NUP153: variants seen among roughly 807,000 people sequenced by gnomAD.
NUP153 encodes the protein nucleoporin 153.
A neutral mutation model predicts 134.6 loss-of-function variants in NUP153; 27 were observed. The ratio of observed to expected loss-of-function variants is 0.20; its 90% CI spans 0.15 to 0.28. The LOEUF is 0.28. NUP153 is among the 10% of genes least tolerant of loss of function. NUP153 has a pLI of 1.00. For missense variants in NUP153, 1,821 were observed against 1,731.3 expected (o/e 1.05, Z -0.92); for synonymous variants, 640 against 623.5 (o/e 1.03, Z -0.40).
chr6:17,643,807 G>A (rs1765986316), intron 14 of NUP153, among the ~76,000 whole-genome samples: 1 of 152,144 alleles, frequency 6.6e-6, no homozygotes, highest in Non-Finnish European at 1.5e-5. Flanking sequence ...GTAACTTCCT[G>A]AGATATAATG....
intron 11 of NUP153, among the ~76,000 whole-genome samples, chr6:17,649,702 AAG>A (rs1346937800): frequency 1.1e-4 from 17 of 152,244 alleles, no homozygotes; most frequent in Non-Finnish European, 1.6e-4. Flanking sequence ...TTGAGAGAGA[AAG>A]AGACTACATT....
At chr6:17,679,686 T>TC (rs1396521479) in intron 2 of NUP153, among the ~76,000 whole-genome samples, 1 of 152,198 alleles carries the variant, frequency 6.6e-6, no homozygotes, top group Non-Finnish European at 1.5e-5. Flanking sequence ...AGGTAGTTTC[T>TC]CCTTCACATA....
intron 1 of NUP153, among the ~76,000 whole-genome samples, chr6:17,695,358 T>C (rs925936704): frequency 1.3e-5 from 2 of 152,190 alleles, no homozygotes; most frequent in Non-Finnish European, 2.9e-5. Context: ...CAAATTAATG[T>C]TTGAGAACCA....
At chr6:17,651,481 G>A (rs143274864) in intron 11 of NUP153, among the ~76,000 whole-genome samples, 220 of 152,064 alleles carry the variant, frequency 1.4e-3, no homozygotes, top group Non-Finnish European at 2.7e-3. Context: ...AATGGATTTG[G>A]TGTTCCAATT....
At position 17,668,969 on chromosome 6, in the gene NUP153, T is replaced by A. The variant is rs1269113255; in HGVS notation, c.1068+6A>T. Reference sequence around the variant, plus strand: ...TTTAAATAACTAAATGCTAAAGAAGTTTTACCTTTTCTCTTTTGGCCTGAA... The same window carrying A: ...TTTAAATAACTAAATGCTAAAGAAGATTTACCTTTTCTCTTTTGGCCTGAA... On this transcript the variant is annotated splice_donor_region_variant and intron_variant, in intron 8 of 21. Transcript: ENST00000262077. 2 of 1,553,074 alleles carry A rather than the reference T, an allele frequency of 1.3e-6. No individual in the cohort carries two copies. The highest frequency in any genetic ancestry group is 1.7e-6 in the Non-Finnish European group (2 of 1,151,106).
intron 20 of NUP153, among the ~76,000 whole-genome samples, chr6:17,622,492 A>T (rs1463145743): frequency 6.6e-6 from 1 of 152,134 alleles, no homozygotes; most frequent in East Asian, 1.9e-4. Flanking sequence ...ATTTTCTAAC[A>T]TCTTTACTAT....
intron 8 of NUP153, among the ~76,000 whole-genome samples, chr6:17,668,171 G>GT (rs1040920271): frequency 1.1e-4 from 17 of 148,222 alleles, no homozygotes; most frequent in African/African-American, 4.2e-4. Flanking sequence ...CGCCTCCCGG[G>GT]TTCAAGTGAT....
chr6:17,675,745 T>C lies in NUP153; in HGVS notation c.360A>G (p.Ser120=). The C allele has an allele frequency of 6.2e-7, 1 of 1,613,808 alleles. No individual in the cohort carries two copies. Among genetic ancestry groups the C allele is most frequent in the Non-Finnish European group, 8.5e-7 (1 of 1,179,690 alleles). ...TEEPSTTSTA[S]NYPDVLTRPS... Reference sequence around the variant, plus strand: ...GCCTTGTTAACACATCTGGATAATTTGAAGCAGTACTAGTTGTTGAAGGTT... The same window carrying C: ...GCCTTGTTAACACATCTGGATAATTCGAAGCAGTACTAGTTGTTGAAGGTT... The change falls in exon 3 of 22, where the codon TCA becomes TCG. Residue 120 remains serine (S), a synonymous_variant. Transcript: ENST00000262077. The surrounding 1 kb of genome is among the most constrained non-coding windows in gnomAD (Gnocchi z 4.4).
intron 10 of NUP153, 87 bp downstream of exon 10, chr6:17,661,931 T>C (rs957807481): frequency 7.8e-7 from 1 of 1,278,674 alleles, no homozygotes; most frequent in African/African-American, 1.5e-5. Context: ...TTCTTTGATT[T>C]TAATCTTCAA....
At chr6:17,618,194 C>T (rs925101681) in intron 20 of NUP153, among the ~76,000 whole-genome samples, 1 of 152,182 alleles carries the variant, frequency 6.6e-6, no homozygotes, top group East Asian at 1.9e-4. Flanking sequence ...TAAAATAATG[C>T]TAGATAAACC....
intron 11 of NUP153, among the ~76,000 whole-genome samples, chr6:17,649,564 T>C (rs1431659479): frequency 1.8e-4 from 2 of 11,282 alleles, no homozygotes; most frequent in African/African-American, 2.4e-4. Context: ...TCTTACGATA[T>C]ACTACAGTTG....
chr6:17,634,083 T>C (rs1454852207), intron 16 of NUP153, among the ~76,000 whole-genome samples: 2 of 152,124 alleles, frequency 1.3e-5, no homozygotes, highest in African/African-American at 4.8e-5. Context: ...TTCTGACTCT[T>C]CTACTGCTAT....
rs763482788 is a variant in NUP153 at position 17,706,420 on chromosome 6, G to T, written c.-33C>A. On this transcript the variant is annotated 5_prime_UTR_variant, in exon 1 of 22. Coordinates refer to ENST00000262077, the MANE Select transcript of NUP153 (RefSeq NM_005124.4). The surrounding 1 kb of genome is among the most constrained non-coding windows in gnomAD (Gnocchi z 5.9). ...CCTCCGCCGCTTCCCGCTCCGGGGC[G>T]GGTAAGGGGGCGGGAGAGGCAGAGG... The T allele has an allele frequency of 6.4e-7, 1 of 1,560,576 alleles. No individual in the cohort carries two copies. The highest frequency in any genetic ancestry group is 1.1e-5 in the South Asian group (1 of 89,920).
chr6:17,698,122 G>A (rs1432724822), intron 1 of NUP153, among the ~76,000 whole-genome samples: 1 of 152,100 alleles, frequency 6.6e-6, no homozygotes, highest in Non-Finnish European at 1.5e-5. Flanking sequence ...CAGTTTTAAG[G>A]TTCTGGAATC....
rs1389976355 is a variant in NUP153, at chr6:17,685,786, T to C, written c.334+2610A>G. Among the ~76,000 whole-genome samples the C allele has an allele frequency of 3.3e-5, 5 of 152,076 alleles. No individual in the cohort carries two copies. In the East Asian group the frequency reaches 5.8e-4, roughly 18 times the overall value. On this transcript the variant is annotated intron_variant, in intron 2 of 21. Coordinates refer to ENST00000262077, the MANE Select transcript of NUP153 (RefSeq NM_005124.4). ...ATACTTGGTAATGATAATAAATGAC[T>C]ATGTAACTGTTTTATGTACTTACTA... is the stretch of plus-strand genomic sequence containing the variant.
chr6:17,623,357 CAAA>C (rs11326447), intron 20 of NUP153, among the ~76,000 whole-genome samples: 25 of 81,940 alleles, frequency 3.1e-4, no homozygotes, highest in African/African-American at 5.2e-4. Context: ...GAAAAATGGC[CAAA>C]AAAAAAAAAA....
intron 11 of NUP153, among the ~76,000 whole-genome samples, chr6:17,655,274 T>C (rs570529087): frequency 4.6e-5 from 7 of 152,300 alleles, no homozygotes; most frequent in Non-Finnish European, 8.8e-5. Context: ...ATTTTACATA[T>C]AGAGTTCTAT....
intron 13 of NUP153, among the ~76,000 whole-genome samples, chr6:17,646,608 T>C (rs1404019256): frequency 1.3e-5 from 2 of 152,230 alleles, no homozygotes; most frequent in Non-Finnish European, 2.9e-5. Context: ...GATTCTTATA[T>C]TGAATGGCAA....
At chr6:17,645,925 A>G in intron 14 of NUP153, 142 bp downstream of exon 14, 1 of 433,776 alleles carries the variant, frequency 2.3e-6, no homozygotes, top group Non-Finnish European at 4.2e-6. Context: ...AAAAGGTTAA[A>G]TAATAGTGCC....
Sources: gnomAD v4.1 joint callset for allele counts (sites outside exome capture counted in the v4.1 genomes callset) on GRCh38, gnomAD v4.1.1 for gene constraint, Gnocchi (gnomAD v3.1) non-coding constraint, MANE v1.5 for transcripts, NCBI Gene and HGNC (gene_info 2026-07-23, HGNC 2026-07-21) for gene names.